NRXN3: variants seen among roughly 807,000 people sequenced by gnomAD.
The protein encoded by NRXN3 is neurexin 3.
NRXN3 carries 32 observed loss-of-function variants against 137.6 expected under a neutral mutation model. The ratio of observed to expected loss-of-function variants is 0.23; its 90% CI spans 0.18 to 0.31. NRXN3 has a LOEUF of 0.31. NRXN3 is among the 10% of genes least tolerant of loss of function. NRXN3 has a pLI of 1.00. For missense variants in NRXN3, 1,574 were observed against 2,062.5 expected, an observed-to-expected ratio of 0.76 and a Z score of 4.59; for synonymous variants, 798 against 784.5, an observed-to-expected ratio of 1.02 and a Z score of -0.29.
intron 6 of NRXN3, among the ~76,000 whole-genome samples, chr14:78,680,165 T>C (rs2152740250): frequency 6.6e-6 from 1 of 152,008 alleles, no homozygotes; most frequent in South Asian, 2.1e-4. Flanking sequence ...TATTTATAAG[T>C]GGGAGCTAAA....
intron 15 of NRXN3, among the ~76,000 whole-genome samples, chr14:79,126,248 A>G (rs2056418393): frequency 6.6e-6 from 1 of 152,040 alleles, no homozygotes; most frequent in African/African-American, 2.4e-5. Context: ...CTATGTATAC[A>G]TGTGCCGTGC....
intron 15 of NRXN3, among the ~76,000 whole-genome samples, chr14:79,175,639 A>C (rs1403434282): frequency 2.0e-5 from 3 of 152,220 alleles, no homozygotes; most frequent in Non-Finnish European, 4.4e-5. Context: ...TTCATAGTGT[A>C]TCACACTGCC....
rs756391806 is a variant in NRXN3, at chr14:79,510,222, A to G, written c.3444+42820A>G. On this transcript the variant is annotated intron_variant, in intron 16 of 20. Coordinates refer to ENST00000335750, the MANE Select transcript of NRXN3 (RefSeq NM_001330195.2). ...AAAGGTTTCTTAAGGAAGAAGATCTAGGGGTTCTCGGGATTCGTTGAATTT... is the reference window on the plus strand; with the variant it reads ...AAAGGTTTCTTAAGGAAGAAGATCTGGGGGTTCTCGGGATTCGTTGAATTT... Among the ~76,000 whole-genome samples the G allele has an allele frequency of 5.8e-4, 89 of 152,352 alleles. 1 individual carries two copies. The highest frequency in any genetic ancestry group is 3.4e-3 in the Middle Eastern group (1 of 294).
intron 16 of NRXN3, among the ~76,000 whole-genome samples, chr14:79,592,765 T>C (rs1249633792): frequency 6.6e-6 from 1 of 152,210 alleles, no homozygotes; most frequent in Non-Finnish European, 1.5e-5. Flanking sequence ...ATTTAAAGTA[T>C]AAGTCAAGCA....
intron 14 of NRXN3, 22 bp from the exon 15 acceptor site, chr14:78,988,000 C>A (rs1410629152): frequency 6.3e-7 from 1 of 1,580,664 alleles, no homozygotes; most frequent in Non-Finnish European, 8.6e-7. Context: ...TCTTTTTTTC[C>A]CCTCTTCTTG....
intron 6 of NRXN3, among the ~76,000 whole-genome samples, chr14:78,697,370 G>A (rs866129319): frequency 1.3e-5 from 2 of 151,714 alleles, no homozygotes; most frequent in African/African-American, 4.9e-5. Context: ...AATTTTATAT[G>A]TTATAATAAA....
chr14:78,303,133 A>G (rs1192735811), intron 4 of NRXN3, among the ~76,000 whole-genome samples: 3 of 151,672 alleles, frequency 2.0e-5, no homozygotes, highest in Non-Finnish European at 2.9e-5. Flanking sequence ...ATACCAAATA[A>G]CCTCTCTAGA....
At chr14:78,678,343 G>C (rs1226049885) in intron 6 of NRXN3, among the ~76,000 whole-genome samples, 1 of 149,124 alleles carries the variant, frequency 6.7e-6, no homozygotes, top group Non-Finnish European at 1.5e-5. Context: ...TGTAGAGACA[G>C]GGTTTCACTG....
chr14:79,700,695 G>A (rs1392567711), intron 19 of NRXN3, among the ~76,000 whole-genome samples: 1 of 152,052 alleles, frequency 6.6e-6, no homozygotes, highest in Non-Finnish European at 1.5e-5. Context: ...GTGTGTGAAT[G>A]TGAACAAGTA....
chr14:78,575,753 G>A (rs2096930199), intron 4 of NRXN3, among the ~76,000 whole-genome samples: 1 of 152,176 alleles, frequency 6.6e-6, no homozygotes, highest in Non-Finnish European at 1.5e-5. Context: ...AGCGGGGGTG[G>A]TGGTGATAAT....
chr14:78,320,829 C>T (rs1306926187), intron 4 of NRXN3, among the ~76,000 whole-genome samples: 1 of 152,122 alleles, frequency 6.6e-6, no homozygotes, highest in Non-Finnish European at 1.5e-5. Context: ...TAAGATCACC[C>T]AGCCCTGGCT....
intron 8 of NRXN3, among the ~76,000 whole-genome samples, chr14:78,720,560 T>C (rs949318441): frequency 3.9e-5 from 6 of 152,184 alleles, no homozygotes; most frequent in Non-Finnish European, 7.3e-5. Context: ...GGGCATTTTC[T>C]TTTATTTTTG....
intron 6 of NRXN3, among the ~76,000 whole-genome samples, chr14:78,667,071 C>A (rs1292907675): frequency 2.0e-5 from 3 of 152,152 alleles, no homozygotes; most frequent in Non-Finnish European, 4.4e-5. Flanking sequence ...TCTTCTAGAA[C>A]CTAGCTCATG....
chr14:79,002,026 T>G (rs2099542383), intron 15 of NRXN3, among the ~76,000 whole-genome samples: 1 of 152,188 alleles, frequency 6.6e-6, no homozygotes, highest in Admixed American at 6.5e-5. Context: ...GTATTCACCC[T>G]GTTTCCTAGA....
At chr14:79,280,597 C>A in intron 15 of NRXN3, 1 of 1,474,766 alleles carries the variant, frequency 6.8e-7, no homozygotes. Flanking sequence ...AACCCACTAG[C>A]CTTGCAGGTA....
chr14:78,949,358 G>A (rs930063204), intron 10 of NRXN3, among the ~76,000 whole-genome samples: 4 of 151,840 alleles, frequency 2.6e-5, no homozygotes, highest in African/African-American at 4.8e-5. Flanking sequence ...TTCCTGAATC[G>A]GTTCAATCTG....
At chr14:78,211,060 G>A (rs953118714) in intron 1 of NRXN3, among the ~76,000 whole-genome samples, 2 of 152,212 alleles carry the variant, frequency 1.3e-5, no homozygotes, top group African/African-American at 4.8e-5. Flanking sequence ...AGAATTAAAT[G>A]AATTAGACAC....
intron 20 of NRXN3, among the ~76,000 whole-genome samples, chr14:79,860,236 TTCTGAG>T (rs141180920): frequency 0.021 from 3,129 of 152,268 alleles, 112 homozygotes; most frequent in African/African-American, 0.072. Context: ...AAGTCAACAT[TTCTGAG>T]TCTAACAGTT....
intron 16 of NRXN3, among the ~76,000 whole-genome samples, chr14:79,600,837 C>T (rs892545498): frequency 7.3e-5 from 11 of 151,038 alleles, no homozygotes; most frequent in East Asian, 3.9e-4. Context: ...AAGATGAGCC[C>T]GGAGAATCTG....
Sources: gnomAD v4.1 joint callset for allele counts (sites outside exome capture counted in the v4.1 genomes callset) on GRCh38, gnomAD v4.1.1 for gene constraint, MANE v1.5 for transcripts, NCBI Gene and HGNC (gene_info 2026-07-23, HGNC 2026-07-21) for gene names.